Variants in SVEP1 observed in about 807,000 individuals in gnomAD.
SVEP1 encodes sushi, von Willebrand factor type A, EGF and pentraxin domain containing 1.
In SVEP1, 164 loss-of-function variants were observed where a neutral mutation model predicts 367.3. The observed-to-expected ratio is 0.45, with a 90% CI of 0.39 to 0.51. The LOEUF is 0.51. Among genes scored for constraint, SVEP1 ranks in the 20% least tolerant of loss-of-function variants. SVEP1 has a pLI of 0.00. For synonymous variants in SVEP1, 1,666 were observed against 1,611.6 expected (o/e 1.03, Z -0.81); for missense variants, 4,117 against 4,425.3 (o/e 0.93, Z 1.98).
At chr9:110,426,681 C>T (rs540146140) in intron 36 of SVEP1, among the ~76,000 whole-genome samples, 1 of 152,110 alleles carries the variant, frequency 6.6e-6, no homozygotes, top group Non-Finnish European at 1.5e-5. Context: ...CTCAGATGAC[C>T]TGAGATTTAG....
At chr9:110,390,040 A>ATACAC (rs1564127101) in intron 40 of SVEP1, among the ~76,000 whole-genome samples, 1 of 65,924 alleles carries the variant, frequency 1.5e-5, no homozygotes, top group African/African-American at 4.0e-5. Flanking sequence ...TATATATATA[A>ATACAC]GTATATATAC....
At chr9:110,400,133 A>G (rs989287565) in intron 40 of SVEP1, among the ~76,000 whole-genome samples, 2 of 152,112 alleles carry the variant, frequency 1.3e-5, no homozygotes, top group African/African-American at 4.8e-5. Context: ...TTGGCATCTC[A>G]ATGCCAAGGT....
At chr9:110,473,286 G>A (rs1483255218) in intron 14 of SVEP1, among the ~76,000 whole-genome samples, 1 of 152,084 alleles carries the variant, frequency 6.6e-6, no homozygotes, top group African/African-American at 2.4e-5. Context: ...CAAGCATTAA[G>A]TAGCTGTTAT....
chr9:110,537,055 T>C (rs970654562), intron 3 of SVEP1, among the ~76,000 whole-genome samples: 2 of 151,968 alleles, frequency 1.3e-5, no homozygotes, highest in East Asian at 1.9e-4. Context: ...TCAATAAAGA[T>C]GTAAAGGACC....
At chr9:110,450,322 A>G in intron 23 of SVEP1, 62 bp from the exon 24 acceptor site, 2 of 1,546,228 alleles carry the variant, frequency 1.3e-6, no homozygotes, top group South Asian at 1.1e-5. Flanking sequence ...CACTGTAACT[A>G]AAGTGTTGAC....
chr9:110,556,420 T>C (rs1830358843), intron 1 of SVEP1, among the ~76,000 whole-genome samples: 1 of 152,192 alleles, frequency 6.6e-6, no homozygotes, highest in Non-Finnish European at 1.5e-5. Flanking sequence ...ACAACCTTAA[T>C]TGCAATTACC....
At chr9:110,549,262 T>C (rs539284964) in intron 2 of SVEP1, among the ~76,000 whole-genome samples, 1 of 152,070 alleles carries the variant, frequency 6.6e-6, no homozygotes, top group Admixed American at 6.5e-5. Flanking sequence ...ATTTAATTTT[T>C]AAATTATAAT....
chr9:110,488,827 T>C (rs898544870), intron 9 of SVEP1, among the ~76,000 whole-genome samples: 4 of 152,058 alleles, frequency 2.6e-5, no homozygotes, highest in Non-Finnish European at 5.9e-5. Flanking sequence ...TGAGCTATGA[T>C]TGTGGCACAG....
At chr9:110,392,572 TCTGC>T (rs1310537715) in intron 40 of SVEP1, among the ~76,000 whole-genome samples, 5 of 152,186 alleles carry the variant, frequency 3.3e-5, no homozygotes, top group African/African-American at 1.2e-4. Context: ...AGTTGTGAAT[TCTGC>T]TATTTAAATT....
intron 2 of SVEP1, among the ~76,000 whole-genome samples, chr9:110,547,881 A>G (rs1830239834): frequency 6.6e-6 from 1 of 152,318 alleles, no homozygotes; most frequent in African/African-American, 2.4e-5. Context: ...CAACTAAAGT[A>G]TTACACATTT....
At chr9:110,430,726 G>A (rs1375634587) in intron 32 of SVEP1, among the ~76,000 whole-genome samples, 1 of 152,236 alleles carries the variant, frequency 6.6e-6, no homozygotes, top group Non-Finnish European at 1.5e-5. Flanking sequence ...TGGGAAAGTA[G>A]TGGTGGTGCT....
At chr9:110,395,088 A>C (rs1013417125) in intron 40 of SVEP1, among the ~76,000 whole-genome samples, 1 of 152,248 alleles carries the variant, frequency 6.6e-6, no homozygotes, top group Non-Finnish European at 1.5e-5. Flanking sequence ...AAAACTGTTA[A>C]GAGCAGCCAG....
Position 110,407,391 on chromosome 9 carries a change from T to C in SVEP1, c.8209A>G (p.Ser2737Gly). The C allele has an allele frequency of 6.2e-7, 1 of 1,614,046 alleles. No individual in the cohort carries two copies. The highest frequency in any genetic ancestry group is 8.5e-7 in the Non-Finnish European group (1 of 1,179,900). ...GGTTTACAGCTATACTGCACAGCACTTCCCATGCTAGTCTCTGTAAAACGC... is the reference window on the plus strand; with the variant it reads ...GGTTTACAGCTATACTGCACAGCACCTCCCATGCTAGTCTCTGTAAAACGC... Reference protein sequence around the residue: ...FLRFTETSMGSAVQYSCKPGH... With the variant: ...FLRFTETSMGGAVQYSCKPGH... Residue 2737 changes from serine (S) to glycine (G), a missense_variant, in exon 38 of 48, where the codon AGT becomes GGT. By Grantham distance (56) the Ser-to-Gly change is moderately conservative. Coordinates refer to ENST00000374469, the MANE Select transcript of SVEP1 (RefSeq NM_153366.4).
Position 110,579,244 on chromosome 9 carries a change from G to T in SVEP1, c.300C>A (p.Arg100=). 6.4e-7 allele frequency: 1 copy of T among 1,570,554 alleles called. No individual in the cohort carries two copies. The highest frequency in any genetic ancestry group is 1.2e-5 in the South Asian group (1 of 85,408). ...GCTTGCGGACGAACATGAGCTCGCT[G>T]CGGAAGTTGACTTCGCCCACGCTGG... ...DSSSVGEVNF[R]SELMFVRKLL... The change falls in exon 1 of 48, where the codon CGC becomes CGA. Residue 100 remains arginine, a synonymous_variant. Coordinates refer to ENST00000374469, the MANE Select transcript of SVEP1 (RefSeq NM_153366.4). The surrounding 1 kb of genome is among the most constrained non-coding windows in gnomAD (Gnocchi z 5.3).
At chr9:110,435,489 G>A in intron 28 of SVEP1, 125 bp from the exon 29 acceptor site, 1 of 1,126,166 alleles carries the variant, frequency 8.9e-7, no homozygotes, top group Non-Finnish European at 1.2e-6. Context: ...AGGGAAGCAG[G>A]TATGATTTCA....
At position 110,435,266 on chromosome 9, in the gene SVEP1, G is replaced by A. The variant is rs781455656; in HGVS notation, c.4863C>T (p.Ile1621=). The A allele has an allele frequency of 6.8e-6, 11 of 1,613,198 alleles. No individual in the cohort carries two copies. Among genetic ancestry groups the A allele is most frequent in the East Asian group, 4.5e-5 (2 of 44,860 alleles). ...CAGAACAAAATATGCTCTTAGAATC[G>A]ATCTTCACTTTCCCCACAATTCCTG... is the stretch of plus-strand genomic sequence containing the variant. The part of the protein sequence containing the change: ...FLSGIVGKVK[I]DSKSIFCSDC... The change falls in exon 29 of 48, where the codon ATC becomes ATT. Residue 1621 remains isoleucine (I), a synonymous_variant. Coordinates refer to ENST00000374469, the MANE Select transcript of SVEP1 (RefSeq NM_153366.4).
chr9:110,570,467 CGTGTGTGTGTGTGTGTGT>C (rs59503025), intron 1 of SVEP1, among the ~76,000 whole-genome samples: 7 of 146,938 alleles, frequency 4.8e-5, no homozygotes, highest in African/African-American at 1.5e-4. Flanking sequence ...GTTTCTGTTG[CGTGTGTGTGTGTGTGTGT>C]GTGTGTGTGT....
chr9:110,514,749 A>G (rs1417719717), intron 3 of SVEP1, among the ~76,000 whole-genome samples: 1 of 152,184 alleles, frequency 6.6e-6, no homozygotes. Context: ...GGAGGAATCA[A>G]TGATCCTCAA....
chr9:110,396,050 A>T (rs975406317), intron 40 of SVEP1, among the ~76,000 whole-genome samples: 7 of 152,198 alleles, frequency 4.6e-5, no homozygotes, highest in Non-Finnish European at 1.0e-4. Context: ...CAGAATATAC[A>T]TTCTTTTCAG....
Sources: allele counts gnomAD v4.1 joint callset (sites outside exome capture counted in the v4.1 genomes callset), GRCh38; gene constraint gnomAD v4.1.1; non-coding constraint Gnocchi (gnomAD v3.1); transcripts MANE v1.5; gene names NCBI Gene and HGNC (gene_info 2026-07-23, HGNC 2026-07-21).